The following SSB variants were observed in gnomAD, a reference collection of about 807,000 sequenced individuals.
SSB encodes the protein lupus La protein.
Under a neutral mutation model 52.9 loss-of-function variants are expected in SSB, and 17 were observed. The observed-to-expected ratio is 0.32, with a 90% CI of 0.22 to 0.48. SSB has a LOEUF of 0.48. SSB is among the 20% of genes least tolerant of loss of function. The pLI is 0.99. For missense variants in SSB, 314 were observed against 463.6 expected (o/e 0.68, Z 2.96); for synonymous variants, 111 against 152.1 (o/e 0.73, Z 1.99).
intron 2 of SSB, among the ~76,000 whole-genome samples, chr2:169,803,773 C>G (rs555174670): frequency 3.4e-4 from 51 of 151,770 alleles, no homozygotes; most frequent in Middle Eastern, 6.8e-3. Context: ...CAGTATTGCT[C>G]TCCTCTCAGG....
At position 169,811,665 on chromosome 2, in the gene SSB, T is replaced by C. The variant is rs775450685; in HGVS notation, c.1139-3T>C. On this transcript the variant is annotated splice_polypyrimidine_tract_variant and splice_region_variant and intron_variant, in intron 11 of 11. Coordinates refer to ENST00000260956, the MANE Select transcript of SSB (RefSeq NM_003142.5). ...TTAACAAAAATTAATTGTTACGTTA[T>C]AGGACCTGTGAAAAGAGCAAGAGAA... 17 of 1,609,980 alleles carry C rather than the reference T, an allele frequency of 1.1e-5. No individual in the cohort carries two copies. Among genetic ancestry groups the C allele is most frequent in the Non-Finnish European group, 1.3e-5 (15 of 1,178,878 alleles).
At chr2:169,800,482 C>T (rs965146097) in intron 1 of SSB, among the ~76,000 whole-genome samples, 4 of 136,690 alleles carry the variant, frequency 2.9e-5, no homozygotes, top group Non-Finnish European at 6.1e-5. Flanking sequence ...TGCAGTGAGC[C>T]GAGATCGCAC....
rs749554679 is a variant in SSB at position 169,805,466 on chromosome 2, TC to T, written c.67-7del. 1 of 1,595,116 alleles carries T rather than the reference TC, an allele frequency of 6.3e-7. No individual in the cohort carries two copies. The highest frequency in any genetic ancestry group is 2.2e-5 in the East Asian group (1 of 44,768). On this transcript the variant is annotated splice_polypyrimidine_tract_variant and splice_region_variant and intron_variant, in intron 2 of 11. Coordinates refer to ENST00000260956, the MANE Select transcript of SSB (RefSeq NM_003142.5). Reference sequence around the variant, plus strand: ...AGTGTTCTGAAATACATTGTAATTATCTCACAGTATTATTTTGGCGACTTCA... The same window carrying T: ...AGTGTTCTGAAATACATTGTAATTATTCACAGTATTATTTTGGCGACTTCA...
chr2:169,810,609 CA>C, intron 9 of SSB, 186 bp downstream of exon 9: 1 of 683,496 alleles, frequency 1.5e-6, no homozygotes, highest in Non-Finnish European at 2.4e-6. Context: ...TCTACTTGAT[CA>C]TTTACTTTGT....
intron 8 of SSB, 154 bp from the exon 9 acceptor site, chr2:169,810,129 G>C: frequency 2.4e-6 from 1 of 413,768 alleles, no homozygotes; most frequent in South Asian, 9.7e-5. Flanking sequence ...TTTTGAGATG[G>C]AGTTTCGCTC....
intron 9 of SSB, 41 bp from the exon 10 acceptor site, chr2:169,810,815 TAA>T: frequency 6.4e-7 from 1 of 1,551,598 alleles, no homozygotes; most frequent in Non-Finnish European, 8.7e-7. Flanking sequence ...ATTGTGGGAC[TAA>T]AAACCAAGGG....
chr2:169,807,280 A>AT (rs1264959163), intron 6 of SSB, among the ~76,000 whole-genome samples: 3 of 151,132 alleles, frequency 2.0e-5, no homozygotes, highest in East Asian at 1.9e-4. Flanking sequence ...ACTGTTAACA[A>AT]TTTTTTTTTC....
chr2:169,810,236 G>A, intron 8 of SSB, 47 bp from the exon 9 acceptor site: 1 of 1,494,080 alleles, frequency 6.7e-7, no homozygotes, highest in Non-Finnish European at 9.1e-7. Context: ...TTTCTGGTCT[G>A]TTGTTGCTTT....
chr2:169,807,652 C>T (rs890653566), intron 6 of SSB, among the ~76,000 whole-genome samples: 2 of 150,572 alleles, frequency 1.3e-5, no homozygotes, highest in Non-Finnish European at 3.0e-5. Context: ...AACTTTTGAT[C>T]AGGCTGGGTA....
At position 169,810,294 on chromosome 2, in the gene SSB, A is replaced by T; in HGVS notation, c.681A>T (p.Glu227Asp). The T allele has an allele frequency of 6.2e-7, 1 of 1,603,564 alleles. No homozygotes were observed. Among genetic ancestry groups the T allele is most frequent in the South Asian group, 1.1e-5 (1 of 88,530 alleles). ...GTATATTTTTATAGAAATCTCTAGA[A>T]GAAAAGATTGGATGCTTGCTGAAAT... is the stretch of plus-strand genomic sequence containing the variant. ...LEEDAEMKSLEEKIGCLLKFS... is the reference protein window; with the variant it reads ...LEEDAEMKSLDEKIGCLLKFS... The change falls in exon 9 of 12, where the codon GAA becomes GAT. Residue 227 changes from glutamate (E) to aspartate (D), a missense_variant. Glu to Asp is a conservative substitution (Grantham distance 45). Transcript: ENST00000260956.
intron 8 of SSB, among the ~76,000 whole-genome samples, chr2:169,809,454 C>A (rs566979667): frequency 1.3e-4 from 20 of 152,140 alleles, no homozygotes; most frequent in African/African-American, 3.9e-4. Context: ...ATGCCTAGAA[C>A]TTATTTTTAT....
rs918869572 is a variant in SSB, at chr2:169,798,919, C to T, written c.-67C>T. 30 of 152,348 alleles carry T rather than the reference C, an allele frequency of 2.0e-4. No homozygotes were observed. Among genetic ancestry groups the T allele is most frequent in the African/African-American group, 5.5e-4 (23 of 41,484 alleles). The allele number at this position is 152,348 out of a possible 1,614,324, so 9.4% of individuals were successfully genotyped here. On this transcript the variant is annotated 5_prime_UTR_variant, in exon 1 of 12. Coordinates refer to ENST00000260956, the MANE Select transcript of SSB (RefSeq NM_003142.5). ...GGCCGGCGGCGCTGGGAGGTGGAGT[C>T]GTTGCTGTTGCTGTTTGTGAGCCTG... is the stretch of plus-strand genomic sequence containing the variant.
At position 169,808,467 on chromosome 2, in the gene SSB, C is replaced by T. The variant is rs759598604; in HGVS notation, c.555-15C>T. The T allele has an allele frequency of 6.2e-7, 1 of 1,608,676 alleles. No homozygotes were observed. The highest frequency in any genetic ancestry group is 2.2e-5 in the East Asian group (1 of 44,800). On this transcript the variant is annotated splice_polypyrimidine_tract_variant and intron_variant, in intron 6 of 11. Coordinates refer to ENST00000260956, the MANE Select transcript of SSB (RefSeq NM_003142.5). ...TGTTCTCGTGAACTTAGCCTCTGTA[C>T]TGTGTGTTCTTTAGGGACGATTACT...
Position 169,808,883 on chromosome 2 carries a change from TAGA to T in SSB, c.657_659del (p.Glu219del), listed in dbSNP as rs746077844. The stretch of plus-strand genomic sequence containing the variant: ...AGGGAGCAAGAAGCAAAACAAAAGT[TAGA>T]AGAAGATGCTGAAATGGTAAGTATA... On this transcript the variant is annotated inframe_deletion, in exon 8 of 12. Transcript: ENST00000260956. 6.3e-6 allele frequency: 10 copies of T among 1,597,658 alleles called. No homozygotes were observed. The highest frequency in any genetic ancestry group is 1.7e-5 in the Admixed American group (1 of 59,978).
At chr2:169,804,858 G>T (rs1364098611) in intron 2 of SSB, among the ~76,000 whole-genome samples, 3 of 152,098 alleles carry the variant, frequency 2.0e-5, no homozygotes, top group Non-Finnish European at 4.4e-5. Flanking sequence ...AATTAGAAGG[G>T]CAGGTGTGGT....
At chr2:169,808,387 C>A in intron 6 of SSB, 95 bp from the exon 7 acceptor site, 1 of 918,468 alleles carries the variant, frequency 1.1e-6, no homozygotes. Context: ...GCGTGTGCAA[C>A]ATTCATTGCT....
At chr2:169,802,456 T>C (rs1254718656) in intron 2 of SSB, among the ~76,000 whole-genome samples, 5 of 151,668 alleles carry the variant, frequency 3.3e-5, no homozygotes, top group African/African-American at 7.3e-5. Flanking sequence ...GCATTTAAAA[T>C]GTCTCATGTT....
At chr2:169,805,891 A>C (rs918716372) in intron 4 of SSB, 52 bp downstream of exon 4, 2 of 1,528,518 alleles carry the variant, frequency 1.3e-6, no homozygotes, top group African/African-American at 1.4e-5. Context: ...TAGAAAGTAA[A>C]GTACGGAAGA....
chr2:169,806,463 AC>A (rs1233500143), intron 4 of SSB: 1 of 184,594 alleles, frequency 5.4e-6, no homozygotes, highest in Non-Finnish European at 1.1e-5. Flanking sequence ...GTTTTTTATT[AC>A]GGAAAATTTC....
Sources: allele counts gnomAD v4.1 joint callset (sites outside exome capture counted in the v4.1 genomes callset), GRCh38; gene constraint gnomAD v4.1.1; transcripts MANE v1.5; gene names NCBI Gene and HGNC (gene_info 2026-07-23, HGNC 2026-07-21).